SLC38A10: variants seen among roughly 807,000 people sequenced by gnomAD.
The protein encoded by SLC38A10 is solute carrier family 38 member 10.
Under a neutral mutation model 81.0 loss-of-function variants are expected in SLC38A10, and 53 were observed. The observed-to-expected ratio is 0.65, with a 90% confidence interval of 0.53 to 0.82. SLC38A10 has a LOEUF of 0.82. SLC38A10 is among the 40% of genes least tolerant of loss of function. SLC38A10 has a pLI of 0.00. For synonymous variants in SLC38A10, 665 were observed against 655.3 expected, an observed-to-expected ratio of 1.01 and a Z score of -0.23; for missense variants, 1,471 against 1,545.0, an observed-to-expected ratio of 0.95 and a Z score of 0.80.
intron 14 of SLC38A10, chr17:81,249,934 G>A (rs903248425): frequency 7.3e-6 from 5 of 682,856 alleles, no homozygotes; most frequent in East Asian, 7.0e-5. Flanking sequence ...GCCTGGGTGC[G>A]TGCGCAGGTC....
chr17:81,293,444 G>T (rs575360500), intron 1 of SLC38A10, among the ~76,000 whole-genome samples: 1 of 152,316 alleles, frequency 6.6e-6, no homozygotes, highest in East Asian at 1.9e-4. Flanking sequence ...GGCTGCACGG[G>T]AGGGTTTGAA....
intron 15 of SLC38A10, 86 bp from the exon 16 acceptor site, chr17:81,246,759 C>T (rs1476343896): frequency 6.7e-7 from 1 of 1,500,582 alleles, no homozygotes; most frequent in East Asian, 2.3e-5. Context: ...GCAACAACAG[C>T]ATTGGGAACC....
At chr17:81,267,597 T>A (rs900308544) in intron 10 of SLC38A10, among the ~76,000 whole-genome samples, 1 of 152,154 alleles carries the variant, frequency 6.6e-6, no homozygotes, top group African/African-American at 2.4e-5. Flanking sequence ...ACATGTGCCA[T>A]CTGATGAGCA....
At chr17:81,260,979 A>T (rs1449337941) in intron 10 of SLC38A10, among the ~76,000 whole-genome samples, 1 of 152,236 alleles carries the variant, frequency 6.6e-6, no homozygotes, top group African/African-American at 2.4e-5. Context: ...CTTGCCCCAA[A>T]GTCATCACAG....
chr17:81,271,601 T>A (rs2063116474), intron 9 of SLC38A10, among the ~76,000 whole-genome samples: 3 of 152,158 alleles, frequency 2.0e-5, no homozygotes, highest in Non-Finnish European at 4.4e-5. Context: ...TGGTAATGCA[T>A]CACCAAAATC....
intron 11 of SLC38A10, among the ~76,000 whole-genome samples, chr17:81,256,449 C>A (rs2062973573): frequency 6.6e-6 from 1 of 152,238 alleles, no homozygotes; most frequent in African/African-American, 2.4e-5. Flanking sequence ...GCTCTGCGGG[C>A]TGCCGGCTTG....
At chr17:81,272,680 C>T (rs2063127887) in intron 8 of SLC38A10, 53 bp from the exon 9 acceptor site, 1 of 1,338,658 alleles carries the variant, frequency 7.5e-7, no homozygotes, top group Non-Finnish European at 1.0e-6. Flanking sequence ...CTCCACCACT[C>T]TCCTAGAAAG....
At chr17:81,266,639 GA>G (rs903210531) in intron 10 of SLC38A10, among the ~76,000 whole-genome samples, 19 of 148,720 alleles carry the variant, frequency 1.3e-4, no homozygotes, top group South Asian at 2.1e-4. Context: ...AAAAGAAAAA[GA>G]AAAAAAAAGA....
intron 5 of SLC38A10, 97 bp from the exon 6 acceptor site, chr17:81,280,830 G>T: frequency 6.8e-7 from 1 of 1,468,484 alleles, no homozygotes. Flanking sequence ...TGGCAGGAGA[G>T]TGCAGCTCTT....
intron 10 of SLC38A10, among the ~76,000 whole-genome samples, chr17:81,262,330 T>C (rs1266443448): frequency 6.6e-6 from 1 of 152,168 alleles, no homozygotes; most frequent in African/African-American, 2.4e-5. Flanking sequence ...TCGGGCTACC[T>C]GGGGTAAAGG....
In SLC38A10 at chr17:81,253,229, C is replaced by G; in HGVS notation, c.1300G>C (p.Val434Leu). 6.2e-7 allele frequency: 1 copy of G among 1,613,656 alleles called. No individual in the cohort carries two copies. The highest frequency in any genetic ancestry group is 1.1e-5 in the South Asian group (1 of 91,072). The change falls in exon 12 of 16, where the codon GTT becomes CTT. Residue 434 changes from valine to leucine, a missense_variant. Val to Leu is a conservative substitution (Grantham distance 32, BLOSUM62 1). Transcript: ENST00000374759. This position sits in a 1 kb window ranked among gnomAD's most constrained non-coding sequence, Gnocchi z 4.1. ...CGGCCATCCTCAGCCACGGCCACAA[C>G]CGGATCCTGGGCTGGGAGCAGGGCA... ...EAARLSAQDP[V>L]VAVAEDGREK...
rs751388851 is a variant in SLC38A10 at position 81,282,227 on chromosome 17, C to T, written c.463G>A (p.Ala155Thr). 47 of 1,613,612 alleles carry T rather than the reference C, an allele frequency of 2.9e-5. No homozygotes were observed. The highest frequency in any genetic ancestry group is 1.6e-4 in the Middle Eastern group (1 of 6,084). The stretch of plus-strand genomic sequence containing the variant: ...ACGGTGTAGAAGAGGAGGGCCATGG[C>T]GCTGAAGGACTGGATGGAGGCCATC... ...NMMASIQSFS[A>T]MALLFYTVFM... is the part of the protein sequence containing the mutation. The change falls in exon 5 of 16, where the codon GCC becomes ACC. Residue 155 changes from alanine (A) to threonine (T), a missense_variant. By Grantham distance (58) the Ala-to-Thr change is moderately conservative. Transcript: ENST00000374759.
In SLC38A10 at chr17:81,281,661, C is replaced by T. The variant is rs770204104; in HGVS notation, c.501+528G>A. Among the ~76,000 whole-genome samples, 3 of 151,712 alleles carry T rather than the reference C, an allele frequency of 2.0e-5. No homozygotes were observed. Among genetic ancestry groups the T allele is most frequent in the African/African-American group, 4.8e-5 (2 of 41,272 alleles). ...TGTGGTGGCGGGCACCTGTAATCCC[C>T]GCTACTTGGGAGGCTGAGGCAGGAG... On this transcript the variant is annotated intron_variant, in intron 5 of 15. Coordinates refer to ENST00000374759, the MANE Select transcript of SLC38A10 (RefSeq NM_001037984.3). The surrounding 1 kb of genome is among the most constrained non-coding windows in gnomAD (Gnocchi z 5.3).
At chr17:81,254,358 G>A (rs964031776) in intron 11 of SLC38A10, among the ~76,000 whole-genome samples, 2 of 152,228 alleles carry the variant, frequency 1.3e-5, no homozygotes, top group African/African-American at 4.8e-5. Context: ...GAGAGTCCTA[G>A]ACAAACTGTA....
intron 1 of SLC38A10, among the ~76,000 whole-genome samples, chr17:81,291,412 GGGAGGT>G (rs1031575795): frequency 1.3e-5 from 2 of 151,624 alleles, no homozygotes; most frequent in Admixed American, 1.3e-4. Context: ...GCTTGAATCT[GGGAGGT>G]GGAGGTTGCA....
At chr17:81,285,364 T>G (rs768760816) in intron 2 of SLC38A10, 46 of 155,194 alleles carry the variant, frequency 3.0e-4, no homozygotes, top group Non-Finnish European at 6.1e-4. Context: ...ATTTTCACCC[T>G]TTGGTTGGGA....
At chr17:81,250,879 G>T in intron 14 of SLC38A10, 1 of 1,078,122 alleles carries the variant, frequency 9.3e-7, no homozygotes, top group Non-Finnish European at 1.1e-6. Context: ...GTTTGGAGGA[G>T]GATTCAGAGC....
At position 81,246,665 on chromosome 17, in the gene SLC38A10, G is replaced by T; in HGVS notation, c.2251C>A (p.His751Asn). 6.6e-7 allele frequency: 1 copy of T among 1,506,540 alleles called. No homozygotes were observed. The highest frequency in any genetic ancestry group is 8.9e-7 in the Non-Finnish European group (1 of 1,129,012). The allele number at this position is 1,506,540 out of a possible 1,614,324, so 93.3% of individuals were successfully genotyped here. A position where few individuals can be genotyped will look rare whatever the true frequency, so the allele number is the denominator to read the frequency against. ...GGCACCGCTGCCCCGGGCTCTTGAT[G>T]CACCTCCACTGCAAATGAAGTCGGT... The part of the protein sequence containing the change: ...EEDKPRQVEV[H>N]QEPGAAVPRG... The change falls in exon 16 of 16, where the codon CAT (histidine) becomes AAT (asparagine). Residue 751 changes from histidine (H) to asparagine (N), a missense_variant. This residue lies in a region of SLC38A10 where 751 missense variants were observed against 717.4 expected (regional missense o/e 1.05). Transcript: ENST00000374759.
chr17:81,246,440 G>T lies in SLC38A10; in HGVS notation c.2476C>A (p.Pro826Thr), dbSNP rs1238209095. Reference sequence around the variant, plus strand: ...CTCAGCTTGGCCTGGGCTGCCCGAGGCTCTGTGTCAGGGCCGCCGTCAGGA... The same window carrying T: ...CTCAGCTTGGCCTGGGCTGCCCGAGTCTCTGTGTCAGGGCCGCCGTCAGGA... ...GPPDGGPDTEPRAAQAKLRDG... is the reference protein window; with the variant it reads ...GPPDGGPDTETRAAQAKLRDG... Residue 826 changes from proline (P) to threonine (T), a missense_variant, in exon 16 of 16, where the codon CCT becomes ACT. Physicochemically the swap from Pro to Thr is conservative, Grantham distance 38. This residue lies in a region of SLC38A10 where 751 missense variants were observed against 717.4 expected (regional missense o/e 1.05). Coordinates refer to ENST00000374759, the MANE Select transcript of SLC38A10 (RefSeq NM_001037984.3). The T allele has an allele frequency of 3.8e-6, 6 of 1,594,954 alleles. No homozygotes were observed. Among genetic ancestry groups the T allele is most frequent in the Non-Finnish European group, 5.1e-6 (6 of 1,171,144 alleles).
Sources: gnomAD v4.1 joint callset for allele counts (sites outside exome capture counted in the v4.1 genomes callset) on GRCh38, gnomAD v4.1.1 for gene constraint, gnomAD v4.1.1 regional missense constraint, Gnocchi (gnomAD v3.1) non-coding constraint, MANE v1.5 for transcripts, NCBI Gene and HGNC (gene_info 2026-07-23, HGNC 2026-07-21) for gene names.